PAF1: variants seen among roughly 807,000 people sequenced by gnomAD.
PAF1 encodes the protein PAF1 component of Paf1/RNA polymerase II complex, also known as RNA polymerase II-associated factor 1 homolog.
PAF1 carries 31 observed loss-of-function variants against 68.4 expected under a neutral mutation model. The ratio of observed to expected loss-of-function variants is 0.45; its 90% CI spans 0.34 to 0.61. The LOEUF (loss-of-function observed/expected upper bound fraction) is 0.61. PAF1 is among the 20% of genes least tolerant of loss of function. The pLI is 0.01. For synonymous variants in PAF1, 256 were observed against 240.5 expected (o/e 1.06, Z -0.60); for missense variants, 435 against 692.9 (o/e 0.63, Z 4.18).
In PAF1 at chr19:39,389,824, C is replaced by G. The variant is rs1245132366; in HGVS notation, c.171-63G>C. ...AGCTTCACCCCTCACAGCCCTGCTT[C>G]CCAGAGGCGGAGCTTCTCTGGGGAG... On this transcript the variant is annotated intron_variant, in intron 3 of 13. Transcript: ENST00000221265. This position sits in a 1 kb window ranked among gnomAD's most constrained non-coding sequence, Gnocchi z 5.3. 1 of 1,607,350 alleles carries G rather than the reference C, an allele frequency of 6.2e-7. No homozygotes were observed. The highest frequency in any genetic ancestry group is 2.2e-5 in the East Asian group (1 of 44,838).
chr19:39,388,976 C>G lies in PAF1; in HGVS notation c.607G>C (p.Glu203Gln), dbSNP rs2078313536. 6.2e-7 allele frequency: 1 copy of G among 1,614,030 alleles called. No homozygotes were observed. The highest frequency in any genetic ancestry group is 1.7e-5 in the Admixed American group (1 of 59,994). ...HYSKPRVTPV[E>Q]VMPVFPDFKM... Reference sequence around the variant, plus strand: ...AAGTCTGGGAAGACAGGCATGACCTCCACCGGTGTGACTCGGGGTTTGCTG... The same window carrying G: ...AAGTCTGGGAAGACAGGCATGACCTGCACCGGTGTGACTCGGGGTTTGCTG... The change falls in exon 8 of 14, where the codon GAG becomes CAG. Residue 203 changes from glutamate (E) to glutamine (Q), a missense_variant. Physicochemically the swap from Glu to Gln is conservative, Grantham distance 29. This residue lies in a region of PAF1 where 151 missense variants were observed against 306.3 expected (regional missense o/e 0.49). Coordinates refer to ENST00000221265, the MANE Select transcript of PAF1 (RefSeq NM_019088.4).
Position 39,389,756 on chromosome 19 carries a change from A to G in PAF1, c.176T>C (p.Val59Ala). ...CTCCAAGGAAGTGGCTTTGTACTGG[A>G]CGAACCTGGGTGGGGAAACACCTAT... ...ITYPFDQNRF[V>A]QYKATSLEKQ... The change falls in exon 4 of 14, where the codon GTC (valine) becomes GCC (alanine). Residue 59 changes from valine to alanine, a missense_variant. By Grantham distance (64) the Val-to-Ala change is moderately conservative. Around this residue, in one of 7 missense-constraint regions of PAF1, gnomAD observed 77 missense variants for 118.2 expected, o/e 0.65. Coordinates refer to ENST00000221265, the MANE Select transcript of PAF1 (RefSeq NM_019088.4). The surrounding 1 kb of genome is among the most constrained non-coding windows in gnomAD (Gnocchi z 5.3). 1 of 1,614,072 alleles carries G rather than the reference A, an allele frequency of 6.2e-7. No homozygotes were observed. Among genetic ancestry groups the G allele is most frequent in the South Asian group, 1.1e-5 (1 of 91,068 alleles).
chr19:39,386,127 T>C lies in PAF1; in HGVS notation c.1460A>G (p.Asn487Ser), dbSNP rs1256666239. ...GCTCCGGCTCCGCTGGCCACCCCCA[T>C]TGCTGCCGCTGTCTGAATCATTGTC... ...GSDNDSDSGS[N>S]GGGQRSRSHS... The change falls in exon 14 of 14, where the codon AAT becomes AGT. Residue 487 changes from asparagine (N) to serine (S), a missense_variant. This residue lies in a region of PAF1 where 83 missense variants were observed against 99.9 expected (regional missense o/e 0.83). Transcript: ENST00000221265. This position sits in a 1 kb window ranked among gnomAD's most constrained non-coding sequence, Gnocchi z 6.1. The C allele has an allele frequency of 9.9e-6, 16 of 1,613,988 alleles. No homozygotes were observed. Among genetic ancestry groups the C allele is most frequent in the African/African-American group, 5.3e-5 (4 of 74,912 alleles).
chr19:39,390,217 C>A (rs1258919198), intron 2 of PAF1, 43 bp downstream of exon 2: 1 of 1,613,008 alleles, frequency 6.2e-7, no homozygotes, highest in East Asian at 2.2e-5. Context: ...CTGCTCCCAG[C>A]CCCACTGCCC....
At chr19:39,390,675 T>C (rs2078360536) in intron 1 of PAF1, 143 bp downstream of exon 1, 7 of 861,690 alleles carry the variant, frequency 8.1e-6, no homozygotes, top group Middle Eastern at 2.2e-4. Context: ...GGGGAACACC[T>C]GAATCTCAGA....
In PAF1 at chr19:39,386,073, C is replaced by T. The variant is rs144303281; in HGVS notation, c.1514G>A (p.Ser505Asn). The part of the protein sequence containing the change: ...SHSRSASPFP[S>N]GSEHSAQEDG... ...CTCCTGGGCCGAGTGCTCGCTGCCA[C>T]TGGGGAAGGGACTGGCGCTGCGGCT... Residue 505 changes from serine to asparagine, a missense_variant, in exon 14 of 14, where the codon AGT becomes AAT. Ser to Asn is a conservative substitution (Grantham distance 46). Coordinates refer to ENST00000221265, the MANE Select transcript of PAF1 (RefSeq NM_019088.4). This position sits in a 1 kb window ranked among gnomAD's most constrained non-coding sequence, Gnocchi z 6.1. The T allele has an allele frequency of 7.9e-5, 127 of 1,613,918 alleles. No individual in the cohort carries two copies. The highest frequency in any genetic ancestry group is 1.0e-5 in the Non-Finnish European group (12 of 1,180,036).
intron 11 of PAF1, 34 bp downstream of exon 11, chr19:39,388,305 A>C (rs987433852): frequency 6.2e-7 from 1 of 1,612,980 alleles, no homozygotes; most frequent in African/African-American, 1.3e-5. Context: ...AGAAGCACAG[A>C]TCCAGGCTAA....
rs117151141 is a variant in PAF1 at position 39,385,916 on chromosome 19, C to T, written c.*75G>A. The T allele has an allele frequency of 0.021, 32,772 of 1,579,910 alleles. 397 individuals are homozygous for T. The highest frequency in any genetic ancestry group is 0.043 in the Middle Eastern group (255 of 5,974). On this transcript the variant is annotated 3_prime_UTR_variant, in exon 14 of 14. Transcript: ENST00000221265. Reference sequence around the variant, plus strand: ...GTGGGGAACAAACAAGTGAAAGGCTCACAAACAGACCACTAGAAAAGTGCT... The same window carrying T: ...GTGGGGAACAAACAAGTGAAAGGCTTACAAACAGACCACTAGAAAAGTGCT...
chr19:39,385,852 T>TA lies in PAF1; in HGVS notation c.*138dup, dbSNP rs1315682817. ...ACATCATAGGGGCTGGGAGGGGAAG[T>TA]AAAGAGAAGTTGACTTTATTAACAG... On this transcript the variant is annotated 3_prime_UTR_variant, in exon 14 of 14. Coordinates refer to ENST00000221265, the MANE Select transcript of PAF1 (RefSeq NM_019088.4). 2 of 1,286,616 alleles carry TA rather than the reference T, an allele frequency of 1.6e-6. No homozygotes were observed. Among genetic ancestry groups the TA allele is most frequent in the African/African-American group, 3.0e-5 (2 of 67,554 alleles). 79.7% of individuals were successfully genotyped at this position (1,286,616 alleles called of 1,614,324 possible).
At chr19:39,387,625 A>C (rs2145928844) in intron 11 of PAF1, among the ~76,000 whole-genome samples, 1 of 152,322 alleles carries the variant, frequency 6.6e-6, no homozygotes, top group Non-Finnish European at 1.5e-5. Context: ...TCCCAACTCT[A>C]CACCAGAGGT....
chr19:39,388,653 T>C lies in PAF1; in HGVS notation c.764A>G (p.Asn255Ser), dbSNP rs1232350882. ...AGGCAGGAAATAGGCCACAAACTGG[T>C]TCCCTTCCTCATCCATCATGCCCCT... Reference protein sequence around the residue: ...MIRGMMDEEGNQFVAYFLPVE... With the variant: ...MIRGMMDEEGSQFVAYFLPVE... The change falls in exon 10 of 14, where the codon AAC becomes AGC. Residue 255 changes from asparagine (N) to serine (S), a missense_variant. By Grantham distance (46) the Asn-to-Ser change is conservative. Transcript: ENST00000221265. 2.5e-6 allele frequency: 4 copies of C among 1,614,120 alleles called. No individual in the cohort carries two copies. Among genetic ancestry groups the C allele is most frequent in the Non-Finnish European group, 3.4e-6 (4 of 1,180,000 alleles).
rs1382435787 is a variant in PAF1 at position 39,390,700 on chromosome 19, T to C, written c.47+118A>G. 7.3e-6 allele frequency: 8 copies of C among 1,096,286 alleles called. No individual in the cohort carries two copies. In the African/African-American group the frequency reaches 1.2e-4, roughly 17 times the overall value. 67.9% of individuals were successfully genotyped at this position (1,096,286 alleles called of 1,614,324 possible). A position where few individuals can be genotyped will look rare whatever the true frequency, so the allele number is the denominator to read the frequency against. ...TGAATCTCAGAAGGAACCCGCCCCC[T>C]TCGTCAAAGGTGAGCGCTTCATGAC... On this transcript the variant is annotated intron_variant, in intron 1 of 13. Coordinates refer to ENST00000221265, the MANE Select transcript of PAF1 (RefSeq NM_019088.4).
Position 39,389,549 on chromosome 19 carries a change from AGAG to A in PAF1, c.293-6_293-4del. 1 of 1,614,178 alleles carries A rather than the reference AGAG, an allele frequency of 6.2e-7. No individual in the cohort carries two copies. Among genetic ancestry groups the A allele is most frequent in the South Asian group, 1.1e-5 (1 of 91,084 alleles). On this transcript the variant is annotated splice_region_variant and splice_polypyrimidine_tract_variant and intron_variant, in intron 4 of 13. Coordinates refer to ENST00000221265, the MANE Select transcript of PAF1 (RefSeq NM_019088.4). This position sits in a 1 kb window ranked among gnomAD's most constrained non-coding sequence, Gnocchi z 5.3. ...CTCATCAGCTGGATCTAGAAGAACT[AGAG>A]GAGAGCGGGGGGCAGGAGGACCATG...
At position 39,391,094 on chromosome 19, in the gene PAF1, C is replaced by A. The variant is rs980654546; in HGVS notation, c.-230G>T. The A allele has an allele frequency of 2.7e-5, 17 of 631,032 alleles. No homozygotes were observed. Among genetic ancestry groups the A allele is most frequent in the African/African-American group, 5.5e-5 (3 of 54,380 alleles). 39.1% of individuals were successfully genotyped at this position (631,032 alleles called of 1,614,324 possible). A position where few individuals can be genotyped will look rare whatever the true frequency, so the allele number is the denominator to read the frequency against. On this transcript the variant is annotated 5_prime_UTR_variant, in exon 1 of 14. Coordinates refer to ENST00000221265, the MANE Select transcript of PAF1 (RefSeq NM_019088.4). ...CTCGAAGCTCCGGTTCCACCAACTG[C>A]CGCCAAGACGCTGAGGACCCAACGG... is the stretch of plus-strand genomic sequence containing the variant.
In PAF1 at chr19:39,385,903, C is replaced by CAAGT; in HGVS notation, c.*84_*87dup. 5.8e-6 allele frequency: 9 copies of CAAGT among 1,553,252 alleles called. No homozygotes were observed. Among genetic ancestry groups the CAAGT allele is most frequent in the Non-Finnish European group, 6.9e-6 (8 of 1,153,284 alleles). On this transcript the variant is annotated 3_prime_UTR_variant, in exon 14 of 14. Transcript: ENST00000221265. ...CAAAGGTTTGGGGGTGGGGAACAAA[C>CAAGT]AAGTGAAAGGCTCACAAACAGACCA...
In PAF1 at chr19:39,390,337, C is replaced by CT. The variant is rs1170407110; in HGVS notation, c.48-49_48-48insA. ...TGATAGGTGGAGAGGACGGGATTGA[C>CT]AGGAGAATGAAAAAGGCTTCCCCAA... On this transcript the variant is annotated intron_variant, in intron 1 of 13. Transcript: ENST00000221265. 13 of 1,564,672 alleles carry CT rather than the reference C, an allele frequency of 8.3e-6. No individual in the cohort carries two copies. In the Admixed American group the frequency reaches 2.0e-4, roughly 25 times the overall value.
At position 39,389,064 on chromosome 19, in the gene PAF1, GC is replaced by G; in HGVS notation, c.567+28del. ...GGAGGAGCTCTGCAGCCGCACCCTT[GC>G]CTCTCCCCATCCCAGTCCCTCAATT... is the stretch of plus-strand genomic sequence containing the variant. On this transcript the variant is annotated intron_variant, in intron 7 of 13. Transcript: ENST00000221265. This position sits in a 1 kb window ranked among gnomAD's most constrained non-coding sequence, Gnocchi z 5.3. The G allele has an allele frequency of 6.2e-7, 1 of 1,611,462 alleles. No individual in the cohort carries two copies. The highest frequency in any genetic ancestry group is 8.5e-7 in the Non-Finnish European group (1 of 1,177,640).
Position 39,386,426 on chromosome 19 carries a change from G to A in PAF1, c.1184-23C>T. On this transcript the variant is annotated intron_variant, in intron 13 of 13. Transcript: ENST00000221265. This position sits in a 1 kb window ranked among gnomAD's most constrained non-coding sequence, Gnocchi z 6.1. ...CATCTGGAAGGGAGTGGAGAGAGATGAAACCCACTTTTCCACCCTCCCAGG... is the reference window on the plus strand; with the variant it reads ...CATCTGGAAGGGAGTGGAGAGAGATAAAACCCACTTTTCCACCCTCCCAGG... 1 of 1,614,074 alleles carries A rather than the reference G, an allele frequency of 6.2e-7. No individual in the cohort carries two copies. Among genetic ancestry groups the A allele is most frequent in the Non-Finnish European group, 8.5e-7 (1 of 1,179,964 alleles).
chr19:39,389,438 C>T lies in PAF1; in HGVS notation c.359+42G>A. ...CCCACTGCCCTCCTGCTTGTAGGGC[C>T]CACCTGAGCCAGTCTCCAGTACCCA... On this transcript the variant is annotated intron_variant, in intron 5 of 13. Coordinates refer to ENST00000221265, the MANE Select transcript of PAF1 (RefSeq NM_019088.4). The surrounding 1 kb of genome is among the most constrained non-coding windows in gnomAD (Gnocchi z 5.3). 2.5e-6 allele frequency: 4 copies of T among 1,609,494 alleles called. No homozygotes were observed. Among genetic ancestry groups the T allele is most frequent in the Non-Finnish European group, 3.4e-6 (4 of 1,175,852 alleles).
Sources: gnomAD v4.1 joint callset for allele counts (sites outside exome capture counted in the v4.1 genomes callset) on GRCh38, gnomAD v4.1.1 for gene constraint, gnomAD v4.1.1 regional missense constraint, Gnocchi (gnomAD v3.1) non-coding constraint, MANE v1.5 for transcripts, NCBI Gene and HGNC (gene_info 2026-07-23, HGNC 2026-07-21) for gene names.